Variants in NPRL3 observed in about 807,000 individuals in gnomAD.
NPRL3 encodes NPR3 like, GATOR1 complex subunit, also known as GATOR1 complex protein NPRL3.
Under a neutral mutation model 57.2 loss-of-function variants are expected in NPRL3, and 23 were observed. The observed-to-expected ratio is 0.40, with a 90% CI of 0.29 to 0.57. The LOEUF is 0.57. Among genes scored for constraint, NPRL3 ranks in the 20% least tolerant of loss-of-function variants. The pLI, the probability that NPRL3 is intolerant of heterozygous loss-of-function variation, is 0.42. For synonymous variants in NPRL3, 333 were observed against 321.1 expected, an observed-to-expected ratio of 1.04 and a Z score of -0.39; for missense variants, 691 against 767.1, an observed-to-expected ratio of 0.90 and a Z score of 1.17.
intron 8 of NPRL3, among the ~76,000 whole-genome samples, chr16:99,292 T>C (rs916326212): frequency 2.6e-5 from 4 of 152,312 alleles, no homozygotes; most frequent in African/African-American, 7.2e-5. Context: ...GTTCAAGGTA[T>C]TGGGGGACTT....
At chr16:93,564 GTTTTTT>G (rs34541011) in intron 9 of NPRL3, among the ~76,000 whole-genome samples, 4 of 135,460 alleles carry the variant, frequency 3.0e-5, no homozygotes, top group Non-Finnish European at 6.4e-5. Flanking sequence ...GTGAGCAATG[GTTTTTT>G]TTTTTTTTTT....
chr16:116,663 A>C (rs28478927), intron 5 of NPRL3, among the ~76,000 whole-genome samples: 5,875 of 152,122 alleles, frequency 0.039, 381 homozygotes, highest in African/African-American at 0.13. Flanking sequence ...CTCTACAAAA[A>C]ATACAAAAAT....
intron 3 of NPRL3, among the ~76,000 whole-genome samples, chr16:119,586 C>T (rs573449113): frequency 1.2e-4 from 18 of 152,324 alleles, no homozygotes; most frequent in African/African-American, 4.3e-4. Context: ...CACTGCCCTG[C>T]GGAGCTGCTC....
At chr16:108,599 T>C (rs1211722415) in intron 7 of NPRL3, among the ~76,000 whole-genome samples, 1 of 152,124 alleles carries the variant, frequency 6.6e-6, no homozygotes, top group Non-Finnish European at 1.5e-5. Flanking sequence ...TGCGGCTCAC[T>C]AGGCAGCCAA....
At chr16:99,141 C>A (rs1357279272) in intron 8 of NPRL3, among the ~76,000 whole-genome samples, 1 of 152,110 alleles carries the variant, frequency 6.6e-6, no homozygotes, top group African/African-American at 2.4e-5. Context: ...AGACTAGGGA[C>A]CAAAGTACAT....
Position 93,462 on chromosome 16 carries a change from G to C in NPRL3, c.925-137C>G, listed in dbSNP as rs957329316. The C allele has an allele frequency of 6.8e-5, 44 of 648,836 alleles. No individual in the cohort carries two copies. In the African/African-American group the frequency reaches 7.2e-4, roughly 11 times the overall value. The allele number at this position is 648,836 out of a possible 1,614,324, so 40.2% of individuals were successfully genotyped here. Reference sequence around the variant, plus strand: ...CAGCCTCATGCAGAACACACCTGGTGGCTATGGCCCGAGACTTCCTCCCTA... The same window carrying C: ...CAGCCTCATGCAGAACACACCTGGTCGCTATGGCCCGAGACTTCCTCCCTA... On this transcript the variant is annotated intron_variant, in intron 9 of 13. Transcript: ENST00000611875.
At chr16:124,045 A>G (rs994384632) in intron 3 of NPRL3, among the ~76,000 whole-genome samples, 4 of 136,404 alleles carry the variant, frequency 2.9e-5, no homozygotes, top group African/African-American at 1.1e-4. Context: ...CAGATCACAC[A>G]CTCCCCACGC....
chr16:123,309 T>C (rs114742352), intron 3 of NPRL3, among the ~76,000 whole-genome samples: 2,055 of 152,142 alleles, frequency 0.014, 42 homozygotes, highest in African/African-American at 0.046. Flanking sequence ...GTGAAATAGC[T>C]AAATGACTGG....
In NPRL3 at chr16:112,643, C is replaced by T; in HGVS notation, c.526G>A (p.Glu176Lys). Residue 176 changes from glutamate to lysine, a missense_variant, in exon 6 of 14, where the codon GAG becomes AAG. Transcript: ENST00000611875. The stretch of plus-strand genomic sequence containing the variant: ...TCACCATCAGCCATGGCGGACACCT[C>T]ATCCTGGAGCGCCAGGATCAGCTTG... ...EAKLILALQDEVSAMADGNEG... is the reference protein window; with the variant it reads ...EAKLILALQDKVSAMADGNEG... 1 of 1,597,086 alleles carries T rather than the reference C, an allele frequency of 6.3e-7. No homozygotes were observed. Among genetic ancestry groups the T allele is most frequent in the Non-Finnish European group, 8.5e-7 (1 of 1,170,906 alleles).
chr16:98,107 C>T, intron 9 of NPRL3, 38 bp downstream of exon 9: 1 of 1,599,184 alleles, frequency 6.3e-7, no homozygotes, highest in African/African-American at 1.3e-5. Context: ...TGCCCCAGCA[C>T]CGCCACATGC....
At chr16:111,526 C>A (rs960626854) in intron 6 of NPRL3, among the ~76,000 whole-genome samples, 1 of 151,878 alleles carries the variant, frequency 6.6e-6, no homozygotes, top group East Asian at 1.9e-4. Context: ...TCAGCTCACC[C>A]CAACCTCCAC....
In NPRL3 at chr16:92,433, T is replaced by G. The variant is rs1362668349; in HGVS notation, c.1161+163A>C. 2.0e-5 allele frequency among the ~76,000 whole-genome samples: 3 copies of G among 152,122 alleles called. No individual in the cohort carries two copies. In the East Asian group the frequency reaches 5.8e-4, roughly 29 times the overall value. ...CTGCAGGTGGCCCGGCAGCTGACTTTTGGGTCCTGCTGGGCACGTAGCACT... is the reference window on the plus strand; with the variant it reads ...CTGCAGGTGGCCCGGCAGCTGACTTGTGGGTCCTGCTGGGCACGTAGCACT... On this transcript the variant is annotated intron_variant, in intron 11 of 13. Transcript: ENST00000611875.
intron 7 of NPRL3, among the ~76,000 whole-genome samples, chr16:108,634 A>T (rs1173305100): frequency 2.0e-5 from 3 of 149,860 alleles, no homozygotes; most frequent in African/African-American, 5.0e-5. Flanking sequence ...AGTATTTTTT[A>T]AATTTTATTT....
At chr16:107,616 G>GAAA in intron 7 of NPRL3, among the ~76,000 whole-genome samples, 1 of 147,228 alleles carries the variant, frequency 6.8e-6, no homozygotes, top group Admixed American at 6.8e-5. Flanking sequence ...AAAAAAAGAA[G>GAAA]AAGAAAAAGA....
intron 2 of NPRL3, among the ~76,000 whole-genome samples, chr16:135,570 T>C (rs1174144728): frequency 2.1e-5 from 3 of 142,984 alleles, no homozygotes; most frequent in Non-Finnish European, 4.5e-5. Context: ...GATCAGGCCA[T>C]TGCACTCCAG....
At chr16:125,527 G>C (rs1420945494) in intron 3 of NPRL3, among the ~76,000 whole-genome samples, 1 of 152,198 alleles carries the variant, frequency 6.6e-6, no homozygotes, top group Non-Finnish European at 1.5e-5. Context: ...TCAGAGACAA[G>C]GATGGTCCTA....
chr16:89,929 T>C, intron 11 of NPRL3, 27 bp from the exon 12 acceptor site: 1 of 1,530,050 alleles, frequency 6.5e-7, no homozygotes. Flanking sequence ...GTGAGGCTGG[T>C]CCCCCTCCCC....
chr16:138,162 C>T lies in NPRL3; in HGVS notation c.106G>A (p.Ala36Thr), dbSNP rs1418799391. ...AGCGCTCACTTACTTGTCTGGGACG[C>T]CGGGTGCTCCTGGCTTCTCTGGAAG... ...YPFQRSQEHPASQTSKPRSRY... is the reference protein window; with the variant it reads ...YPFQRSQEHPTSQTSKPRSRY... The change falls in exon 2 of 14, where the codon GCG (alanine) becomes ACG (threonine). Residue 36 changes from alanine to threonine, a missense_variant. Physicochemically the swap from Ala to Thr is moderately conservative, Grantham distance 58. Coordinates refer to ENST00000611875, the MANE Select transcript of NPRL3 (RefSeq NM_001077350.3). The T allele has an allele frequency of 2.5e-6, 4 of 1,603,812 alleles. No individual in the cohort carries two copies. The highest frequency in any genetic ancestry group is 1.6e-4 in the Middle Eastern group (1 of 6,076).
Position 92,658 on chromosome 16 carries a change from T to C in NPRL3, c.1099A>G (p.Lys367Glu). 1 of 1,613,798 alleles carries C rather than the reference T, an allele frequency of 6.2e-7. No homozygotes were observed. The highest frequency in any genetic ancestry group is 8.5e-7 in the Non-Finnish European group (1 of 1,179,820). ...GACAAGGAGACCGGCAAGGAGAACT[T>C]GGCAAGAACGGACGGCAGGTCATGA... Reference protein sequence around the residue: ...PSHDLPSVLAKFSLPVSLSEF... With the variant: ...PSHDLPSVLAEFSLPVSLSEF... Residue 367 changes from lysine (K) to glutamate (E), a missense_variant, in exon 11 of 14, where the codon AAG becomes GAG. By Grantham distance (56) the Lys-to-Glu change is moderately conservative. Transcript: ENST00000611875.
Sources: allele counts gnomAD v4.1 joint callset (sites outside exome capture counted in the v4.1 genomes callset), GRCh38; gene constraint gnomAD v4.1.1; transcripts MANE v1.5; gene names NCBI Gene and HGNC (gene_info 2026-07-23, HGNC 2026-07-21).